The following MROH9 variants were observed in gnomAD, a reference collection of about 807,000 sequenced individuals.
MROH9 encodes the protein maestro heat like repeat family member 9.
A neutral mutation model predicts 98.2 loss-of-function variants in MROH9; 92 were observed. That is an observed-to-expected ratio of 0.94 (90% CI 0.79 to 1.11). The LOEUF (loss-of-function observed/expected upper bound fraction) is 1.11. Among genes scored for constraint, MROH9 ranks in the 50% most tolerant of loss-of-function variants. MROH9 has a pLI of 0.00. For missense variants in MROH9, 1,057 were observed against 1,014.8 expected, an observed-to-expected ratio of 1.04 and a Z score of -0.57; for synonymous variants, 397 against 368.9, an observed-to-expected ratio of 1.08 and a Z score of -0.87.
At chr1:171,010,717 G>C (rs886378350) in intron 15 of MROH9, among the ~76,000 whole-genome samples, 1 of 152,120 alleles carries the variant, frequency 6.6e-6, no homozygotes, top group South Asian at 2.1e-4. Flanking sequence ...ATGTCTGTTG[G>C]CTGCATAAAT....
At chr1:170,958,997 C>T (rs1467743515) in intron 4 of MROH9, among the ~76,000 whole-genome samples, 29 of 152,002 alleles carry the variant, frequency 1.9e-4, no homozygotes, top group Admixed American at 1.9e-3. Flanking sequence ...TTTATTTTTA[C>T]AACATTATTA....
At chr1:170,982,076 T>C (rs1420475597) in intron 8 of MROH9, among the ~76,000 whole-genome samples, 1 of 152,160 alleles carries the variant, frequency 6.6e-6, no homozygotes, top group Non-Finnish European at 1.5e-5. Flanking sequence ...GATTCAGTCA[T>C]AACACAATTT....
At chr1:170,935,861 G>A (rs1488486520) in intron 1 of MROH9, among the ~76,000 whole-genome samples, 5 of 151,006 alleles carry the variant, frequency 3.3e-5, no homozygotes, top group Non-Finnish European at 7.4e-5. Flanking sequence ...GTGTGGTGGC[G>A]GGTGCCTGTA....
At chr1:170,998,997 T>G (rs941640310) in intron 15 of MROH9, among the ~76,000 whole-genome samples, 2 of 152,106 alleles carry the variant, frequency 1.3e-5, no homozygotes, top group Non-Finnish European at 2.9e-5. Flanking sequence ...ATAAATTAAT[T>G]TAACTGAACA....
At chr1:170,954,666 C>T (rs2101883501) in intron 3 of MROH9, among the ~76,000 whole-genome samples, 1 of 152,026 alleles carries the variant, frequency 6.6e-6, no homozygotes, top group South Asian at 2.1e-4. Flanking sequence ...ATACTCTCAC[C>T]AACTCTTATT....
intron 11 of MROH9, among the ~76,000 whole-genome samples, chr1:170,990,405 C>G (rs1250287687): frequency 2.0e-5 from 3 of 152,070 alleles, no homozygotes; most frequent in Non-Finnish European, 2.9e-5. Flanking sequence ...TTATGAAGGA[C>G]AGACATAAGA....
intron 20 of MROH9, 150 bp downstream of exon 20, chr1:171,025,570 T>G: frequency 1.7e-6 from 1 of 590,448 alleles, no homozygotes; most frequent in Non-Finnish European, 3.0e-6. Context: ...ATACGTGTGA[T>G]GAGAATAGAG....
intron 3 of MROH9, among the ~76,000 whole-genome samples, chr1:170,954,485 T>C (rs1420544210): frequency 6.6e-6 from 1 of 152,124 alleles, no homozygotes; most frequent in African/African-American, 2.4e-5. Context: ...CTCTTTGATA[T>C]CCTGCTTTTA....
intron 8 of MROH9, among the ~76,000 whole-genome samples, chr1:170,981,129 T>G (rs1041919769): frequency 6.6e-6 from 1 of 152,054 alleles, no homozygotes; most frequent in Non-Finnish European, 1.5e-5. Context: ...AGATGGAGGA[T>G]GTGGAGCAAT....
intron 20 of MROH9, among the ~76,000 whole-genome samples, chr1:171,056,485 A>C (rs928817760): frequency 6.6e-6 from 1 of 152,130 alleles, no homozygotes; most frequent in Non-Finnish European, 1.5e-5. Flanking sequence ...CAGAACCCAG[A>C]TCTCCCTGGG....
rs1354782916 is a variant in MROH9, at chr1:170,992,156, G to A, written c.1029-8G>A. 1 of 1,600,006 alleles carries A rather than the reference G, an allele frequency of 6.2e-7. No individual in the cohort carries two copies. Among genetic ancestry groups the A allele is most frequent in the Non-Finnish European group, 8.5e-7 (1 of 1,172,942 alleles). On this transcript the variant is annotated splice_polypyrimidine_tract_variant and splice_region_variant and intron_variant, in intron 11 of 21. Coordinates refer to ENST00000367759, the MANE Select transcript of MROH9 (RefSeq NM_001163629.2). ...TTCTCATTGTGTGGGGTGGGGCTGT[G>A]TTTGCAGCACTCTGATACAGATGTG...
chr1:171,037,814 C>A (rs1270022837), intron 20 of MROH9, among the ~76,000 whole-genome samples: 1 of 149,060 alleles, frequency 6.7e-6, no homozygotes, highest in Non-Finnish European at 1.5e-5. Flanking sequence ...GAATCATTGA[C>A]CTTAACTAAC....
At chr1:170,967,216 A>T (rs1324172881) in intron 7 of MROH9, among the ~76,000 whole-genome samples, 3 of 152,140 alleles carry the variant, frequency 2.0e-5, no homozygotes, top group Non-Finnish European at 2.9e-5. Flanking sequence ...ATAACCTATT[A>T]CTCGGTTCTG....
chr1:171,014,937 T>C (rs1652278361), intron 16 of MROH9: 26 of 470,108 alleles, frequency 5.5e-5, no homozygotes, highest in South Asian at 4.1e-4. Flanking sequence ...GTGACTGTTA[T>C]TCAAGTTAAA....
At chr1:170,990,884 A>T (rs1651331415) in intron 11 of MROH9, among the ~76,000 whole-genome samples, 1 of 152,130 alleles carries the variant, frequency 6.6e-6, no homozygotes, top group African/African-American at 2.4e-5. Context: ...AATAAACAAA[A>T]CTCTAAACAA....
At chr1:170,990,679 T>C (rs1259031786) in intron 11 of MROH9, among the ~76,000 whole-genome samples, 5 of 152,196 alleles carry the variant, frequency 3.3e-5, no homozygotes, top group African/African-American at 1.2e-4. Flanking sequence ...GAGTTTTATT[T>C]TGAAGAGGAC....
chr1:171,033,084 G>A (rs28515030), intron 20 of MROH9, among the ~76,000 whole-genome samples: 1 of 152,224 alleles, frequency 6.6e-6, no homozygotes, highest in Non-Finnish European at 1.5e-5. Context: ...GTTGGGCTGC[G>A]GAGGGACAAG....
At chr1:171,011,676 T>C (rs968284796) in intron 15 of MROH9, among the ~76,000 whole-genome samples, 3 of 152,142 alleles carry the variant, frequency 2.0e-5, no homozygotes, top group Non-Finnish European at 4.4e-5. Flanking sequence ...ACATGTGTAA[T>C]GTATAAAAGC....
chr1:170,942,436 C>G (rs1248755308), intron 1 of MROH9, among the ~76,000 whole-genome samples: 3 of 151,066 alleles, frequency 2.0e-5, no homozygotes, highest in African/African-American at 7.3e-5. Flanking sequence ...ATAATTTTAT[C>G]AAGAGTAAAA....
Sources: gnomAD v4.1 joint callset for allele counts (sites outside exome capture counted in the v4.1 genomes callset) on GRCh38, gnomAD v4.1.1 for gene constraint, MANE v1.5 for transcripts, NCBI Gene and HGNC (gene_info 2026-07-23, HGNC 2026-07-21) for gene names.